The following HIP1R variants were observed in gnomAD, a reference collection of about 807,000 sequenced individuals.
HIP1R encodes the protein huntingtin interacting protein 1 related, also known as huntingtin-interacting protein 1-related protein.
A neutral mutation model predicts 144.2 loss-of-function variants in HIP1R; 135 were observed. That is an observed-to-expected ratio of 0.94 (90% CI 0.81 to 1.08). HIP1R has a LOEUF of 1.08. Ranked by LOEUF, HIP1R falls within the 50% of genes least tolerant of loss-of-function variation. The pLI, the probability that HIP1R is intolerant of heterozygous loss-of-function variation, is 0.00. For synonymous variants in HIP1R, 698 were observed against 612.8 expected (o/e 1.14, Z -2.05); for missense variants, 1,462 against 1,432.8 (o/e 1.02, Z -0.33).
Position 122,848,819 on chromosome 12 carries a change from C to T in HIP1R, c.324C>T (p.Tyr108=). Residue 108 remains tyrosine, a synonymous_variant, in exon 4 of 32, where the codon TAC becomes TAT. Transcript: ENST00000253083. ...AGGTGCTGCATGACTGCCAGCGGTA[C>T]CGCAGCAACATCCGGGAGATTGGAG... ...HPNVLHDCQR[Y]RSNIREIGDL... The T allele has an allele frequency of 1.2e-6, 2 of 1,613,284 alleles. No homozygotes were observed. Among genetic ancestry groups the T allele is most frequent in the Non-Finnish European group, 1.7e-6 (2 of 1,180,006 alleles).
intron 6 of HIP1R, 84 bp downstream of exon 6, chr12:122,850,995 A>C (rs1177732166): frequency 7.3e-6 from 9 of 1,239,226 alleles, no homozygotes; most frequent in South Asian, 1.3e-5. Flanking sequence ...AGGCGTCCGC[A>C]TGGGGCAGTG....
intron 1 of HIP1R, among the ~76,000 whole-genome samples, chr12:122,839,640 C>T (rs2033001729): frequency 6.6e-6 from 1 of 152,178 alleles, no homozygotes; most frequent in Non-Finnish European, 1.5e-5. Context: ...AGAGGCAAGC[C>T]ACGTGTGTAC....
intron 12 of HIP1R, 44 bp downstream of exon 12, chr12:122,855,656 G>GGGCTCA: frequency 6.5e-7 from 1 of 1,543,460 alleles, no homozygotes; most frequent in South Asian, 1.2e-5. Context: ...GGTTGGAAAC[G>GGGCTCA]GGCTCAGCTG....
chr12:122,848,228 A>G, intron 2 of HIP1R, 134 bp downstream of exon 2: 1 of 1,013,580 alleles, frequency 9.9e-7, no homozygotes, highest in Non-Finnish European at 1.5e-6. Flanking sequence ...GGTCCTGTGC[A>G]GCTTGGCTCC....
At position 122,860,861 on chromosome 12, in the gene HIP1R, C is replaced by G; in HGVS notation, c.2767-55C>G. On this transcript the variant is annotated intron_variant, in intron 28 of 31. Coordinates refer to ENST00000253083, the MANE Select transcript of HIP1R (RefSeq NM_003959.3). ...TGGGCTGTGGCTGCCAAGCCCAGGC[C>G]TGCTGCTGCCCTGAGCTGGGAGACC... 1.9e-6 allele frequency: 3 copies of G among 1,597,128 alleles called. No individual in the cohort carries two copies. The South Asian group carries it at 3.3e-5, about 18-fold the overall frequency.
In HIP1R at chr12:122,836,546, A is replaced by C. The variant is rs1298235322; in HGVS notation, c.93+903A>C. ...TTTTACAAACTCTTGAAGTGCTCTCAGGCTTGGGGGATGGGCGGTGGAGGG... is the reference window on the plus strand; with the variant it reads ...TTTTACAAACTCTTGAAGTGCTCTCCGGCTTGGGGGATGGGCGGTGGAGGG... On this transcript the variant is annotated intron_variant, in intron 1 of 31. Coordinates refer to ENST00000253083, the MANE Select transcript of HIP1R (RefSeq NM_003959.3). The surrounding 1 kb of genome is among the most constrained non-coding windows in gnomAD (Gnocchi z 4.1). 2.6e-5 allele frequency among the ~76,000 whole-genome samples: 4 copies of C among 152,042 alleles called. No individual in the cohort carries two copies. The highest frequency in any genetic ancestry group is 5.9e-5 in the Non-Finnish European group (4 of 68,020).
rs1352819071 is a variant in HIP1R, at chr12:122,854,086, C to T, written c.621C>T (p.Ser207=). 8.1e-6 allele frequency: 13 copies of T among 1,613,780 alleles called. No homozygotes were observed. The African/African-American group carries it at 9.3e-5, about 12-fold the overall frequency. ...CGGCCATCGCCGTATCCCAGATGTC[C>T]TCAGGCCAGTGCCGCCTGGCCCCCC... ...LNTAIAVSQM[S]SGQCRLAPLI... The change falls in exon 8 of 32, where the codon TCC becomes TCT. Residue 207 remains serine (S), a synonymous_variant. Coordinates refer to ENST00000253083, the MANE Select transcript of HIP1R (RefSeq NM_003959.3).
chr12:122,835,057 T>C, upstream of HIP1R: 1 of 1,212,218 alleles, frequency 8.2e-7, no homozygotes, highest in South Asian at 1.3e-5. Context: ...GTCCCTACCC[T>C]GGGTGGAAGG....
chr12:122,861,116 G>A lies in HIP1R; in HGVS notation c.2891-15G>A. On this transcript the variant is annotated splice_polypyrimidine_tract_variant and intron_variant, in intron 29 of 31. Transcript: ENST00000253083. ...TGGGTGCCCAGATGTTCACCCCCTT[G>A]TCCTCCGGCCACAGACACCATGGAT... is the stretch of plus-strand genomic sequence containing the variant. 3 of 1,613,442 alleles carry A rather than the reference G, an allele frequency of 1.9e-6. No individual in the cohort carries two copies. The highest frequency in any genetic ancestry group is 2.5e-6 in the Non-Finnish European group (3 of 1,179,988).
chr12:122,840,103 C>T lies in HIP1R; in HGVS notation c.93+4460C>T, dbSNP rs1469833097. Among the ~76,000 whole-genome samples, 2 of 152,242 alleles carry T rather than the reference C, an allele frequency of 1.3e-5. No homozygotes were observed. Among genetic ancestry groups the T allele is most frequent in the Non-Finnish European group, 2.9e-5 (2 of 68,036 alleles). ...CCATCAGCCCACATGGTGATGCCCT[C>T]GTGGTGATGCCCGGCAGGCCGCTGA... On this transcript the variant is annotated intron_variant, in intron 1 of 31. Coordinates refer to ENST00000253083, the MANE Select transcript of HIP1R (RefSeq NM_003959.3). The surrounding 1 kb of genome is among the most constrained non-coding windows in gnomAD (Gnocchi z 4.2).
intron 8 of HIP1R, 84 bp downstream of exon 8, chr12:122,854,267 A>C: frequency 7.9e-7 from 1 of 1,270,030 alleles, no homozygotes; most frequent in Non-Finnish European, 1.1e-6. Context: ...AAATCGAAAA[A>C]TTAGAGGTTT....
chr12:122,850,320 G>A (rs554977320), intron 5 of HIP1R: 126 of 422,760 alleles, frequency 3.0e-4, no homozygotes, highest in African/African-American at 1.3e-3. Context: ...AGGGTCCAGC[G>A]TGGGGCCCCC....
chr12:122,851,358 CGAG>C, intron 7 of HIP1R, 61 bp downstream of exon 7: 1 of 1,373,288 alleles, frequency 7.3e-7, no homozygotes, highest in East Asian at 2.7e-5. Context: ...AGAGATGGGA[CGAG>C]AAGAAAAAAG....
chr12:122,853,663 C>T (rs752152687), intron 7 of HIP1R: 12 of 178,156 alleles, frequency 6.7e-5, no homozygotes, highest in Admixed American at 1.9e-4. Flanking sequence ...TAAAGTTAGG[C>T]ATTTGGGGTG....
In HIP1R at chr12:122,861,381, AC is replaced by A; in HGVS notation, c.3027del (p.Tyr1009Ter). ...MRLGELRKQHYVLAGASGSPG... is the reference protein window; with the variant it reads ...MRLGELRKQHXVLAGASGSPG... Reference sequence around the variant, plus strand: ...CTGGGGGAGTTGCGGAAGCAACACTACGTGCTGGCTGGGGCATCAGGCAGCC... The same window carrying A: ...CTGGGGGAGTTGCGGAAGCAACACTAGTGCTGGCTGGGGCATCAGGCAGCC... On this transcript the variant is annotated frameshift_variant, in exon 31 of 32. Coordinates refer to ENST00000253083, the MANE Select transcript of HIP1R (RefSeq NM_003959.3). LOFTEE classifies it high-confidence loss of function. The A allele has an allele frequency of 6.2e-7, 1 of 1,613,530 alleles. No individual in the cohort carries two copies. The highest frequency in any genetic ancestry group is 8.5e-7 in the Non-Finnish European group (1 of 1,179,914).
chr12:122,851,327 T>G, intron 7 of HIP1R, 30 bp downstream of exon 7: 1 of 1,504,032 alleles, frequency 6.6e-7, no homozygotes. Flanking sequence ...TGCGGGGGTC[T>G]GAGTGTATTG....
rs1182830340 is a variant in HIP1R, at chr12:122,856,687, G to A, written c.1581G>A (p.Glu527=). 15 of 1,594,934 alleles carry A rather than the reference G, an allele frequency of 9.4e-6. No homozygotes were observed. The highest frequency in any genetic ancestry group is 3.4e-5 in the South Asian group (3 of 88,208). The change falls in exon 17 of 32, where the codon GAG becomes GAA. Residue 527 remains glutamate, a synonymous_variant. Transcript: ENST00000253083. ...LKRELEAKAG[E]LARAQEALSH... ...GGGAGCTGGAGGCCAAGGCCGGAGA[G>A]CTGGCCCGCGCGCAGGAGGCCCTGA...
At chr12:122,857,521 A>G (rs1218735849) in intron 18 of HIP1R, 1 of 514,086 alleles carries the variant, frequency 1.9e-6, no homozygotes, top group Non-Finnish European at 3.5e-6. Flanking sequence ...TGTTGTAAAT[A>G]GTGCTGCTGT....
intron 1 of HIP1R, among the ~76,000 whole-genome samples, chr12:122,845,439 C>T (rs771277316): frequency 5.9e-5 from 9 of 152,230 alleles, no homozygotes; most frequent in Admixed American, 1.3e-4. Flanking sequence ...CCTGCTGCCA[C>T]GGATCCTGTC....
Sources: allele counts gnomAD v4.1 joint callset (sites outside exome capture counted in the v4.1 genomes callset), GRCh38; gene constraint gnomAD v4.1.1; non-coding constraint Gnocchi (gnomAD v3.1); transcripts MANE v1.5; gene names NCBI Gene and HGNC (gene_info 2026-07-23, HGNC 2026-07-21).